The following ARHGAP8 variants were observed in gnomAD, a reference collection of about 807,000 sequenced individuals.
ARHGAP8 encodes rho GTPase-activating protein 8.
ARHGAP8 carries 62 observed loss-of-function variants against 46.1 expected under a neutral mutation model. The observed-to-expected ratio is 1.34, with a 90% CI of 1.10 to 1.66. The LOEUF is 1.66. Ranked by LOEUF, ARHGAP8 falls within the 40% of genes most tolerant of loss-of-function variation. The pLI is 0.00. For missense variants in ARHGAP8, 923 were observed against 568.4 expected, an observed-to-expected ratio of 1.62 and a Z score of -6.34; for synonymous variants, 375 against 243.1, an observed-to-expected ratio of 1.54 and a Z score of -5.05.
At position 44,859,718 on chromosome 22, in the gene ARHGAP8, C is replaced by G. The variant is rs764329474; in HGVS notation, c.878-13C>G. On this transcript the variant is annotated splice_polypyrimidine_tract_variant and intron_variant, in intron 10 of 11. Coordinates refer to ENST00000356099, the MANE Select transcript of ARHGAP8 (RefSeq NM_181335.3). ...CCCTCTGGAGCTCAGCAGGGAGCCC[C>G]ATGCCCTTCCAGGTGTGGAGAGCAG... 25 of 1,612,602 alleles carry G rather than the reference C, an allele frequency of 1.6e-5. No homozygotes were observed. The highest frequency in any genetic ancestry group is 2.1e-5 in the Non-Finnish European group (25 of 1,179,968).
At chr22:44,847,762 A>C (rs577068664) in intron 8 of ARHGAP8, among the ~76,000 whole-genome samples, 14 of 152,296 alleles carry the variant, frequency 9.2e-5, no homozygotes, top group African/African-American at 3.4e-4. Flanking sequence ...GGTCTGTCTG[A>C]GATTAGAGTC....
rs370161996 is a variant in ARHGAP8 at position 44,758,621 on chromosome 22, AG to A, written c.-72+6001del. Among the ~76,000 whole-genome samples, 98 of 136,226 alleles carry A rather than the reference AG, an allele frequency of 7.2e-4. 1 individual carries two copies. In the East Asian group the frequency reaches 0.019, roughly 26 times the overall value. 89.4% of individuals were successfully genotyped at this position (136,226 alleles called of 152,430 possible). A position where few individuals can be genotyped will look rare whatever the true frequency, so the allele number is the denominator to read the frequency against. ...GGGCTGTGCGTTCCAGGTAGTGGGG[AG>A]GGGGGGAACATAGCGTGTGCAAAGG... is the stretch of plus-strand genomic sequence containing the variant. On this transcript the variant is annotated intron_variant, in intron 1 of 11. Transcript: ENST00000356099.
chr22:44,826,928 G>A (rs1406643140), intron 7 of ARHGAP8, among the ~76,000 whole-genome samples: 1 of 152,148 alleles, frequency 6.6e-6, no homozygotes, highest in Non-Finnish European at 1.5e-5. Context: ...AGGAGCTCAG[G>A]GAGGCCAGGG....
intron 2 of ARHGAP8, among the ~76,000 whole-genome samples, chr22:44,795,627 G>C (rs1928026705): frequency 6.6e-6 from 1 of 152,134 alleles, no homozygotes; most frequent in Non-Finnish European, 1.5e-5. Context: ...ACGAGGGCGG[G>C]AGGCAGAGGG....
At chr22:44,853,913 G>A (rs2070155552) in intron 10 of ARHGAP8, among the ~76,000 whole-genome samples, 1 of 151,400 alleles carries the variant, frequency 6.6e-6, no homozygotes, top group Non-Finnish European at 1.5e-5. Context: ...TGTAATCCCA[G>A]CTACTCGGGA....
At chr22:44,820,525 C>T (rs548236021) in intron 5 of ARHGAP8, among the ~76,000 whole-genome samples, 94 of 152,306 alleles carry the variant, frequency 6.2e-4, no homozygotes, top group African/African-American at 1.9e-3. Flanking sequence ...AGTCCTGTGG[C>T]GTCTAAATGG....
rs2070548284 is a variant in ARHGAP8, at chr22:44,862,521, CGG to C, written c.1229_1230del (p.Arg410HisfsTer64). On this transcript the variant is annotated frameshift_variant, in exon 12 of 12. Coordinates refer to ENST00000356099, the MANE Select transcript of ARHGAP8 (RefSeq NM_181335.3). LOFTEE classifies it low-confidence loss of function (END_TRUNC). Reference protein sequence around the residue: ...RAAPLQEAVPRTQATGLTKPT... With the variant: ...RAAPLQEAVPXTQATGLTKPT... ...AGCCCCTTTGCAGGAGGCTGTGCCA[CGG>C]ACACAAGCCACGGGCCTCACCAAGC... 1 of 1,611,856 alleles carries C rather than the reference CGG, an allele frequency of 6.2e-7. No homozygotes were observed. Among genetic ancestry groups the C allele is most frequent in the African/African-American group, 1.3e-5 (1 of 74,994 alleles).
At chr22:44,812,558 T>C (rs192267591) in intron 4 of ARHGAP8, among the ~76,000 whole-genome samples, 45 of 152,110 alleles carry the variant, frequency 3.0e-4, no homozygotes, top group Admixed American at 6.5e-5. Flanking sequence ...GTTTTCACCA[T>C]GTTGGCCAGG....
chr22:44,843,911 A>G (rs1403738636), intron 7 of ARHGAP8, among the ~76,000 whole-genome samples: 1 of 152,116 alleles, frequency 6.6e-6, no homozygotes. Flanking sequence ...ACTGTATTAC[A>G]TTAAATATGT....
At chr22:44,761,123 T>C (rs56844383) in intron 1 of ARHGAP8, among the ~76,000 whole-genome samples, 5,884 of 152,262 alleles carry the variant, frequency 0.039, 396 homozygotes, top group African/African-American at 0.14. Flanking sequence ...TTTGAGCAAA[T>C]CCAGGCATGG....
chr22:44,849,607 A>C (rs536340652), intron 10 of ARHGAP8: 1 of 153,338 alleles, frequency 6.5e-6, no homozygotes, highest in Non-Finnish European at 1.5e-5. Flanking sequence ...GTGAATGCTA[A>C]GGAAAGTGAT....
chr22:44,757,277 TA>T (rs1924757717), intron 1 of ARHGAP8, among the ~76,000 whole-genome samples: 1 of 149,448 alleles, frequency 6.7e-6, no homozygotes, highest in Admixed American at 6.6e-5. Context: ...CTCAAATATT[TA>T]ATTTTTTTTT....
intron 2 of ARHGAP8, among the ~76,000 whole-genome samples, chr22:44,792,812 T>TGGTGTTGGG (rs56751591): frequency 4.0e-5 from 5 of 124,912 alleles, no homozygotes; most frequent in African/African-American, 9.3e-5. Context: ...GTGGTGGTGG[T>TGGTGTTGGG]TTTTTTTGTT....
chr22:44,800,526 G>T (rs1351416256), intron 2 of ARHGAP8, among the ~76,000 whole-genome samples: 1 of 151,824 alleles, frequency 6.6e-6, no homozygotes, highest in African/African-American at 2.4e-5. Flanking sequence ...CATATGTGGG[G>T]GGCACCCCTC....
At chr22:44,858,560 G>T (rs1348323115) in intron 10 of ARHGAP8, among the ~76,000 whole-genome samples, 2 of 34,222 alleles carry the variant, frequency 5.8e-5, no homozygotes, top group East Asian at 1.4e-3. Flanking sequence ...TTAAGTAACA[G>T]GGTTTCACCA....
chr22:44,825,567 AC>A lies in ARHGAP8; in HGVS notation c.571del (p.Gln191SerfsTer23). 1 of 1,612,972 alleles carries A rather than the reference AC, an allele frequency of 6.2e-7. No individual in the cohort carries two copies. The highest frequency in any genetic ancestry group is 8.5e-7 in the Non-Finnish European group (1 of 1,179,730). ...CACCGCCGCGGCCCCCGCTGCCCAC[AC>A]AGCAGTTTGGCGTCAGTCTGCAATA... ...TPPPRPPLPTQQFGVSLQYLK... is the reference protein window; with the variant it reads ...TPPPRPPLPTXQFGVSLQYLK... On this transcript the variant is annotated frameshift_variant, in exon 7 of 12. Transcript: ENST00000356099. LOFTEE classifies it high-confidence loss of function.
chr22:44,839,292 G>A (rs1207413182), intron 7 of ARHGAP8, among the ~76,000 whole-genome samples: 2 of 152,146 alleles, frequency 1.3e-5, no homozygotes, highest in African/African-American at 4.8e-5. Context: ...AGGGCACCTC[G>A]GGGAGCTGTG....
At chr22:44,772,644 T>TAA (rs1358951981) in intron 1 of ARHGAP8, among the ~76,000 whole-genome samples, 3 of 152,070 alleles carry the variant, frequency 2.0e-5, no homozygotes, top group African/African-American at 4.8e-5. Flanking sequence ...TTTCTTTTCT[T>TAA]GTATTGTCTT....
chr22:44,777,618 CT>C (rs132480), intron 1 of ARHGAP8, among the ~76,000 whole-genome samples: 31,648 of 150,028 alleles, frequency 0.21, 5,918 homozygotes, highest in African/African-American at 0.51. Flanking sequence ...TCTGCAGCTG[CT>C]TTTTTTTTTC....
Sources: gnomAD v4.1 joint callset for allele counts (sites outside exome capture counted in the v4.1 genomes callset) on GRCh38, gnomAD v4.1.1 for gene constraint, MANE v1.5 for transcripts, NCBI Gene and HGNC (gene_info 2026-07-23, HGNC 2026-07-21) for gene names.